STXBP6: variants seen among roughly 807,000 people sequenced by gnomAD.
STXBP6 encodes syntaxin binding protein 6.
STXBP6 carries 21 observed loss-of-function variants against 26.9 expected under a neutral mutation model. That is an observed-to-expected ratio of 0.78 (90% CI 0.55 to 1.12). STXBP6 has a LOEUF of 1.12. STXBP6 is among the 50% of genes most tolerant of loss of function. STXBP6 has a pLI of 0.00. For missense variants in STXBP6, 232 were observed against 257.9 expected (o/e 0.90, Z 0.69); for synonymous variants, 97 against 92.6 (o/e 1.05, Z -0.27).
intron 1 of STXBP6, among the ~76,000 whole-genome samples, chr14:25,001,899 T>G (rs561151811): frequency 6.6e-6 from 1 of 152,358 alleles, no homozygotes; most frequent in Non-Finnish European, 1.5e-5. Context: ...TCTTCTACAA[T>G]AAAGCATATT....
At chr14:24,938,666 A>G (rs2072689157) in intron 2 of STXBP6, among the ~76,000 whole-genome samples, 1 of 151,904 alleles carries the variant, frequency 6.6e-6, no homozygotes, top group Admixed American at 6.6e-5. Context: ...ATAAAGAATG[A>G]CATTTACATT....
intron 2 of STXBP6, among the ~76,000 whole-genome samples, chr14:24,952,406 T>C (rs1191846707): frequency 6.6e-6 from 1 of 152,070 alleles, no homozygotes; most frequent in African/African-American, 2.4e-5. Flanking sequence ...ATCAATAGCA[T>C]AGATTTTGTT....
intron 2 of STXBP6, among the ~76,000 whole-genome samples, chr14:24,913,552 T>C (rs1010471925): frequency 6.6e-6 from 1 of 152,112 alleles, no homozygotes; most frequent in Non-Finnish European, 1.5e-5. Flanking sequence ...CGAGGCTACT[T>C]TGAGAAGAAA....
At chr14:24,928,238 G>A (rs1172163576) in intron 2 of STXBP6, among the ~76,000 whole-genome samples, 2 of 152,126 alleles carry the variant, frequency 1.3e-5, no homozygotes, top group Non-Finnish European at 2.9e-5. Context: ...GAGGAAGGGA[G>A]TTTGGCTCCC....
chr14:24,870,247 AC>A (rs1307940236), intron 2 of STXBP6, among the ~76,000 whole-genome samples: 1 of 152,174 alleles, frequency 6.6e-6, no homozygotes, highest in East Asian at 1.9e-4. Flanking sequence ...TTAAAGCTGT[AC>A]TTAACGAGGG....
chr14:25,025,213 C>T (rs1250025899), intron 1 of STXBP6, among the ~76,000 whole-genome samples: 1 of 151,712 alleles, frequency 6.6e-6, no homozygotes, highest in Non-Finnish European at 1.5e-5. Context: ...TTTTGTATTT[C>T]CCACAACACT....
At chr14:24,954,368 A>C (rs1173072537) in intron 2 of STXBP6, among the ~76,000 whole-genome samples, 2 of 152,176 alleles carry the variant, frequency 1.3e-5, no homozygotes, top group African/African-American at 2.4e-5. Context: ...AGATATTATT[A>C]ATACTAAGAG....
chr14:24,837,370 G>A (rs746974264), intron 4 of STXBP6, among the ~76,000 whole-genome samples: 20 of 152,058 alleles, frequency 1.3e-4, no homozygotes, highest in Non-Finnish European at 2.9e-4. Flanking sequence ...TTAAGTTCGG[G>A]GGTAGAATCA....
chr14:25,042,604 G>C (rs970514816), intron 1 of STXBP6, among the ~76,000 whole-genome samples: 15 of 152,204 alleles, frequency 9.9e-5, no homozygotes, highest in Admixed American at 6.5e-4. Flanking sequence ...GTTAATGGTA[G>C]AGCTATGTTT....
At chr14:24,980,364 G>C (rs992905207) in intron 1 of STXBP6, among the ~76,000 whole-genome samples, 7 of 152,180 alleles carry the variant, frequency 4.6e-5, no homozygotes, top group African/African-American at 1.7e-4. Flanking sequence ...TGATAAGACA[G>C]TTCTCAAGTT....
chr14:24,932,019 A>C (rs973257421), intron 2 of STXBP6, among the ~76,000 whole-genome samples: 3 of 152,250 alleles, frequency 2.0e-5, no homozygotes, highest in African/African-American at 7.2e-5. Flanking sequence ...GAGAGAAGAC[A>C]GAAGAGGCCT....
chr14:25,002,279 A>C, intron 1 of STXBP6, among the ~76,000 whole-genome samples: 1 of 152,166 alleles, frequency 6.6e-6, no homozygotes, highest in Non-Finnish European at 1.5e-5. Flanking sequence ...CAAAAAGGTA[A>C]TAAACTTCCT....
At chr14:24,889,316 C>T (rs2771288) in intron 2 of STXBP6, among the ~76,000 whole-genome samples, 55,662 of 149,332 alleles carry the variant, frequency 0.37, 10,534 homozygotes, top group East Asian at 0.44. Flanking sequence ...ACAATAACAA[C>T]GACTATCAGG....
rs2067806056 is a variant in STXBP6 at position 24,810,928 on chromosome 14, A to T, written c.*1781T>A. The stretch of plus-strand genomic sequence containing the variant: ...ATTCTGAACTGAGATCTGCAAACAA[A>T]ATCTATTTGGAGTGATATTTGGGGC... On this transcript the variant is annotated 3_prime_UTR_variant, in exon 6 of 6. Transcript: ENST00000323944. 1 of 148,816 alleles carries T rather than the reference A, an allele frequency of 6.7e-6. No homozygotes were observed. Among genetic ancestry groups the T allele is most frequent in the African/African-American group, 2.5e-5 (1 of 40,058 alleles). The allele number at this position is 148,816 out of a possible 1,614,324, so 9.2% of individuals were successfully genotyped here. A position where few individuals can be genotyped will look rare whatever the true frequency, so the allele number is the denominator to read the frequency against.
intron 2 of STXBP6, among the ~76,000 whole-genome samples, chr14:24,910,571 G>A (rs181673829): frequency 1.3e-4 from 20 of 152,236 alleles, no homozygotes; most frequent in African/African-American, 4.8e-4. Flanking sequence ...TGGTATGCTC[G>A]GTCTTAAAAT....
chr14:24,963,321 T>C (rs1229865597), intron 2 of STXBP6, among the ~76,000 whole-genome samples: 1 of 152,190 alleles, frequency 6.6e-6, no homozygotes, highest in Non-Finnish European at 1.5e-5. Context: ...AGATGAAAAC[T>C]TGGATCTCAA....
chr14:24,952,732 C>T (rs185265911), intron 2 of STXBP6, among the ~76,000 whole-genome samples: 2 of 152,244 alleles, frequency 1.3e-5, no homozygotes, highest in Admixed American at 1.3e-4. Context: ...CACCTTATCT[C>T]ACTCAGCATT....
At chr14:24,859,924 C>A (rs746536333) in intron 2 of STXBP6, among the ~76,000 whole-genome samples, 1 of 152,198 alleles carries the variant, frequency 6.6e-6, no homozygotes, top group African/African-American at 2.4e-5. Flanking sequence ...ATGGGGGCAA[C>A]CCAATTCAGG....
intron 1 of STXBP6, among the ~76,000 whole-genome samples, chr14:25,005,076 C>A (rs2074858812): frequency 6.6e-6 from 1 of 152,084 alleles, no homozygotes; most frequent in Non-Finnish European, 1.5e-5. Context: ...CCAAAAGACA[C>A]AATCTCAGTG....
Sources: gnomAD v4.1 joint callset for allele counts (sites outside exome capture counted in the v4.1 genomes callset) on GRCh38, gnomAD v4.1.1 for gene constraint, MANE v1.5 for transcripts, NCBI Gene and HGNC (gene_info 2026-07-23, HGNC 2026-07-21) for gene names.